Variants in CD109 observed in about 807,000 individuals in gnomAD.
The protein encoded by CD109 is CD109 antigen.
CD109 carries 149 observed loss-of-function variants against 165.8 expected under a neutral mutation model. That is an observed-to-expected ratio of 0.90 (90% CI 0.79 to 1.03). The LOEUF (loss-of-function observed/expected upper bound fraction) is 1.03, where lower values mean the gene tolerates loss of function less well. Among genes scored for constraint, CD109 ranks in the 50% least tolerant of loss-of-function variants. The pLI is 0.00. For missense variants in CD109, 1,712 were observed against 1,677.8 expected (o/e 1.02, Z -0.36); for synonymous variants, 585 against 592.1 (o/e 0.99, Z 0.18).
chr6:73,696,202 C>G (rs1770821918), upstream of CD109: 4 of 1,544,880 alleles, frequency 2.6e-6, no homozygotes, highest in East Asian at 4.9e-5. Flanking sequence ...GTAGCCCAGG[C>G]AGACGCCGTC....
chr6:73,811,598 A>G (rs139638367), intron 28 of CD109, among the ~76,000 whole-genome samples: 1 of 152,284 alleles, frequency 6.6e-6, no homozygotes, highest in Non-Finnish European at 1.5e-5. Context: ...TCATCATTCC[A>G]AAGACCATGT....
chr6:73,788,505 T>C lies in CD109; in HGVS notation c.2594T>C (p.Leu865Ser). The C allele has an allele frequency of 6.2e-7, 1 of 1,612,274 alleles. No homozygotes were observed. The highest frequency in any genetic ancestry group is 1.3e-5 in the African/African-American group (1 of 74,924). Reference sequence around the variant, plus strand: ...GAAAAATCATATTCACAATCCATCTTATTAGACTTGACTGACAATAGGCTA... The same window carrying C: ...GAAAAATCATATTCACAATCCATCTCATTAGACTTGACTGACAATAGGCTA... ...GIEKSYSQSI[L>S]LDLTDNRLQS... The change falls in exon 22 of 33, where the codon TTA becomes TCA. Residue 865 changes from leucine (L) to serine (S), a missense_variant. Coordinates refer to ENST00000287097, the MANE Select transcript of CD109 (RefSeq NM_133493.5).
chr6:73,823,900 G>A lies in CD109; in HGVS notation c.*267G>A, dbSNP rs1776191077. 3.5e-6 allele frequency: 1 copy of A among 289,428 alleles called. No individual in the cohort carries two copies. Among genetic ancestry groups the A allele is most frequent in the East Asian group, 5.7e-5 (1 of 17,574 alleles). 17.9% of individuals were successfully genotyped at this position (289,428 alleles called of 1,614,324 possible). A position where few individuals can be genotyped will look rare whatever the true frequency, so the allele number is the denominator to read the frequency against. On this transcript the variant is annotated 3_prime_UTR_variant, in exon 33 of 33. Transcript: ENST00000287097. ...TTTTAGAATTTTTTTGGAGGTGTTT[G>A]TTTTCTCCAGAATAAAGGTATTACT... is the stretch of plus-strand genomic sequence containing the variant.
At chr6:73,743,006 A>G (rs1480554573) in intron 5 of CD109, among the ~76,000 whole-genome samples, 1 of 152,202 alleles carries the variant, frequency 6.6e-6, no homozygotes, top group Non-Finnish European at 1.5e-5. Context: ...AGTGTTGGGC[A>G]GTGTTGGGCA....
At chr6:73,766,535 G>GTA (rs61670174) in intron 11 of CD109, among the ~76,000 whole-genome samples, 13,093 of 146,556 alleles carry the variant, frequency 0.089, 609 homozygotes, top group Middle Eastern at 0.13. Context: ...ATGTGTGTGT[G>GTA]TATATATATA....
At chr6:73,723,087 A>C (rs1191211085) in intron 2 of CD109, 164 bp from the exon 3 acceptor site, 3 of 973,202 alleles carry the variant, frequency 3.1e-6, no homozygotes, top group Non-Finnish European at 3.7e-6. Context: ...ATATGTAATA[A>C]TTTCTTGGGT....
chr6:73,817,823 G>C (rs984647737), intron 30 of CD109, among the ~76,000 whole-genome samples: 7 of 152,112 alleles, frequency 4.6e-5, no homozygotes, highest in African/African-American at 1.7e-4. Context: ...ATTCCCTCAC[G>C]GTGGCCAAAG....
chr6:73,721,530 A>G lies in CD109; in HGVS notation c.248-1721A>G, dbSNP rs183841913. ...CAGGCGCCTGCCACCACACCCGGCT[A>G]ATTTTTGGTATTTTTAGTAGAGATG... is the stretch of plus-strand genomic sequence containing the variant. On this transcript the variant is annotated intron_variant, in intron 2 of 32. Coordinates refer to ENST00000287097, the MANE Select transcript of CD109 (RefSeq NM_133493.5). Among the ~76,000 whole-genome samples, 224 of 151,146 alleles carry G rather than the reference A, an allele frequency of 1.5e-3. 1 individual carries two copies. Among genetic ancestry groups the G allele is most frequent in the African/African-American group, 5.2e-3 (215 of 41,154 alleles).
chr6:73,820,497 G>A lies in CD109; in HGVS notation c.4096G>A (p.Val1366Met), dbSNP rs1477607124. The A allele has an allele frequency of 6.2e-6, 10 of 1,612,076 alleles. No homozygotes were observed. The highest frequency in any genetic ancestry group is 8.5e-6 in the Non-Finnish European group (10 of 1,178,852). The change falls in exon 32 of 33, where the codon GTG becomes ATG. Residue 1366 changes from valine to methionine, a missense_variant. Coordinates refer to ENST00000287097, the MANE Select transcript of CD109 (RefSeq NM_133493.5). Reference sequence around the variant, plus strand: ...CCAGTTTTGTGTTAATATTCCTGCTGTGAGAAACTTTAAAGTTTCAAATAC... The same window carrying A: ...CCAGTTTTGTGTTAATATTCCTGCTATGAGAAACTTTAAAGTTTCAAATAC... ...ETQFCVNIPA[V>M]RNFKVSNTQD...
chr6:73,722,726 A>G (rs1027731933), intron 2 of CD109, among the ~76,000 whole-genome samples: 1 of 152,214 alleles, frequency 6.6e-6, no homozygotes, highest in Non-Finnish European at 1.5e-5. Context: ...ATCTGATGAG[A>G]AATTGGCATG....
intron 5 of CD109, among the ~76,000 whole-genome samples, chr6:73,745,090 A>G (rs1044665367): frequency 6.6e-6 from 1 of 152,136 alleles, no homozygotes; most frequent in African/African-American, 2.4e-5. Context: ...TATGTGCAGC[A>G]ATTGCTGTTT....
chr6:73,681,324 T>TTGTGTG, the CD109 span, among the ~76,000 whole-genome samples: 5,029 of 145,630 alleles, frequency 0.035, 102 homozygotes, highest in Non-Finnish European at 0.048. Flanking sequence ...CAGTTACCAT[T>TTGTGTG]TGTGTGTGTG....
At chr6:73,814,510 C>T (rs1357183457) in intron 29 of CD109, among the ~76,000 whole-genome samples, 1 of 152,146 alleles carries the variant, frequency 6.6e-6, no homozygotes, top group African/African-American at 2.4e-5. Context: ...CTTTGACAAA[C>T]ATTGTATGAA....
chr6:73,715,269 C>CA (rs1771685378), intron 2 of CD109, among the ~76,000 whole-genome samples: 1 of 149,128 alleles, frequency 6.7e-6, no homozygotes, highest in Admixed American at 6.7e-5. Flanking sequence ...CAAAAACAAA[C>CA]AAAAAACCAG....
intron 5 of CD109, among the ~76,000 whole-genome samples, chr6:73,747,096 T>G (rs892962451): frequency 5.3e-5 from 8 of 152,364 alleles, no homozygotes; most frequent in Admixed American, 2.6e-4. Context: ...TCTTCACATC[T>G]AAGACCAATA....
At position 73,827,511 on chromosome 6, in the gene CD109, G is replaced by A. The variant is rs1319860928; in HGVS notation, c.*3878G>A. On this transcript the variant is annotated 3_prime_UTR_variant, in exon 33 of 33. Coordinates refer to ENST00000287097, the MANE Select transcript of CD109 (RefSeq NM_133493.5). Reference sequence around the variant, plus strand: ...TATTAAATATCTTATGTTACACTGGGAGTAATTTGAGGTGCAATTATTTTT... The same window carrying A: ...TATTAAATATCTTATGTTACACTGGAAGTAATTTGAGGTGCAATTATTTTT... 2 of 152,016 alleles carry A rather than the reference G, an allele frequency of 1.3e-5. No homozygotes were observed. Among genetic ancestry groups the A allele is most frequent in the Non-Finnish European group, 2.9e-5 (2 of 67,998 alleles). 9.4% of individuals were successfully genotyped at this position (152,016 alleles called of 1,614,324 possible).
Position 73,766,839 on chromosome 6 carries a change from A to T in CD109, c.1413A>T (p.Lys471Asn). 1 of 1,612,574 alleles carries T rather than the reference A, an allele frequency of 6.2e-7. No homozygotes were observed. Among genetic ancestry groups the T allele is most frequent in the Non-Finnish European group, 8.5e-7 (1 of 1,178,844 alleles). Residue 471 changes from lysine to asparagine, a missense_variant, in exon 12 of 33, where the codon AAA becomes AAT. Lys to Asn is a moderately conservative substitution (Grantham distance 94). Transcript: ENST00000287097. ...CTAGTAAGACATACATCCAACTAAA[A>T]ACAAGAGATGAAAATATAAAGGTAA... is the stretch of plus-strand genomic sequence containing the variant. Reference protein sequence around the residue: ...KSPSKTYIQLKTRDENIKVGS... With the variant: ...KSPSKTYIQLNTRDENIKVGS...
At chr6:73,819,761 T>G (rs1424315731) in intron 31 of CD109, among the ~76,000 whole-genome samples, 1 of 152,214 alleles carries the variant, frequency 6.6e-6, no homozygotes, top group Non-Finnish European at 1.5e-5. Context: ...ATTTGGAACT[T>G]GAAAAACAAA....
intron 2 of CD109, among the ~76,000 whole-genome samples, chr6:73,704,208 C>T (rs1391305311): frequency 6.6e-6 from 1 of 151,838 alleles, no homozygotes; most frequent in Non-Finnish European, 1.5e-5. Flanking sequence ...AGAATCTAAC[C>T]TTTATGTTCC....
Sources: allele counts gnomAD v4.1 joint callset (sites outside exome capture counted in the v4.1 genomes callset), GRCh38; gene constraint gnomAD v4.1.1; transcripts MANE v1.5; gene names NCBI Gene and HGNC (gene_info 2026-07-23, HGNC 2026-07-21).